The following FOXO3 variants were observed in gnomAD, a reference collection of about 807,000 sequenced individuals.
FOXO3 encodes forkhead box O3, also known as forkhead box protein O3.
FOXO3 carries 4 observed loss-of-function variants against 41.9 expected under a neutral mutation model. That is an observed-to-expected ratio of 0.10 (90% CI 0.05 to 0.22). The LOEUF is 0.22. Among genes scored for constraint, FOXO3 ranks in the 10% least tolerant of loss-of-function variants. FOXO3 has a pLI of 1.00. For missense variants in FOXO3, 534 were observed against 906.8 expected (o/e 0.59, Z 5.28); for synonymous variants, 318 against 389.3 (o/e 0.82, Z 2.16).
chr6:108,656,588 G>T, intron 1 of FOXO3: 1 of 853,208 alleles, frequency 1.2e-6, no homozygotes, highest in South Asian at 5.3e-5. Context: ...TCTAACAGTT[G>T]TTGGGAGCTG....
At chr6:108,651,576 A>G (rs559147350) in intron 1 of FOXO3, among the ~76,000 whole-genome samples, 1 of 152,248 alleles carries the variant, frequency 6.6e-6, no homozygotes, top group Non-Finnish European at 1.5e-5. Flanking sequence ...TTGTGTTTGT[A>G]TGTGTGACGC....
chr6:108,681,137 A>G lies in FOXO3; in HGVS notation c.*1345A>G, dbSNP rs1401462337. On this transcript the variant is annotated 3_prime_UTR_variant, in exon 3 of 3. Transcript: ENST00000406360. ...TATAGGTGCTTTCTGTTTAACCTGGAAAGTGTGATTATATTCGTTACCTTC... is the reference window on the plus strand; with the variant it reads ...TATAGGTGCTTTCTGTTTAACCTGGGAAGTGTGATTATATTCGTTACCTTC... 6.6e-6 allele frequency: 1 copy of G among 152,606 alleles called. No individual in the cohort carries two copies. Among genetic ancestry groups the G allele is most frequent in the Non-Finnish European group, 1.5e-5 (1 of 68,030 alleles). The allele number at this position is 152,606 out of a possible 1,614,324, so 9.5% of individuals were successfully genotyped here.
At chr6:108,673,373 G>A (rs1299114915) in intron 2 of FOXO3, among the ~76,000 whole-genome samples, 1 of 152,212 alleles carries the variant, frequency 6.6e-6, no homozygotes, top group Non-Finnish European at 1.5e-5. Flanking sequence ...TGCACACCTG[G>A]CCAGGGCACT....
intron 1 of FOXO3, among the ~76,000 whole-genome samples, chr6:108,645,784 C>T (rs529626955): frequency 1.3e-5 from 2 of 152,210 alleles, no homozygotes; most frequent in African/African-American, 2.4e-5. Context: ...ATTATCTTAA[C>T]ATGAACAGAA....
At chr6:108,605,106 A>G (rs543857549) in intron 1 of FOXO3, among the ~76,000 whole-genome samples, 1 of 151,918 alleles carries the variant, frequency 6.6e-6, no homozygotes, top group East Asian at 1.9e-4. Flanking sequence ...GTATCCTTAT[A>G]TCTAATACTA....
In FOXO3 at chr6:108,585,022, CTTTTTTTTTT is replaced by C. The variant is rs1159028928; in HGVS notation, c.621+23214_621+23223del. Among the ~76,000 whole-genome samples, 106 of 51,520 alleles carry C rather than the reference CTTTTTTTTTT, an allele frequency of 2.1e-3. 1 individual carries two copies. Among genetic ancestry groups the C allele is most frequent in the Non-Finnish European group, 2.4e-3 (73 of 30,578 alleles). The allele number at this position is 51,520 out of a possible 152,430, so 33.8% of individuals were successfully genotyped here. On this transcript the variant is annotated intron_variant, in intron 1 of 2. Transcript: ENST00000406360. The stretch of plus-strand genomic sequence containing the variant: ...CACCAAGAATTGCTATCTCCAAAAT[CTTTTTTTTTT>C]TTTTTTTTTTTTTTTTTTTTGAGAC...
intron 1 of FOXO3, among the ~76,000 whole-genome samples, chr6:108,653,250 C>G (rs11153120): frequency 2.6e-5 from 4 of 152,096 alleles, no homozygotes; most frequent in Admixed American, 1.3e-4. Flanking sequence ...GCTCCTGCCC[C>G]CTTCCCATTA....
intron 1 of FOXO3, among the ~76,000 whole-genome samples, chr6:108,652,469 T>G (rs1778571867): frequency 6.6e-6 from 1 of 152,254 alleles, no homozygotes; most frequent in African/African-American, 2.4e-5. Flanking sequence ...TCTTTAAAGC[T>G]TCTTATTCCT....
intron 1 of FOXO3, among the ~76,000 whole-genome samples, chr6:108,562,403 T>C (rs1775831576): frequency 6.6e-6 from 1 of 152,112 alleles, no homozygotes; most frequent in African/African-American, 2.4e-5. Flanking sequence ...TTGCAAACCT[T>C]TTCCTGGACG....
chr6:108,641,055 G>A (rs1329466244), intron 1 of FOXO3, among the ~76,000 whole-genome samples: 1 of 152,000 alleles, frequency 6.6e-6, no homozygotes, highest in Non-Finnish European at 1.5e-5. Flanking sequence ...GGTTACAGGT[G>A]CACCCCACTA....
chr6:108,684,126 C>T lies in FOXO3; in HGVS notation c.*4334C>T, dbSNP rs1446565328. ...TTGCCACACTCCAGAAATACGTGTG[C>T]GGCTGCTTTTAAGAACTATGTGTCT... On this transcript the variant is annotated 3_prime_UTR_variant, in exon 3 of 3. Coordinates refer to ENST00000406360, the MANE Select transcript of FOXO3 (RefSeq NM_001455.4). 45 of 152,346 alleles carry T rather than the reference C, an allele frequency of 3.0e-4. No individual in the cohort carries two copies. Among genetic ancestry groups the T allele is most frequent in the African/African-American group, 9.2e-4 (38 of 41,288 alleles). 9.4% of individuals were successfully genotyped at this position (152,346 alleles called of 1,614,324 possible).
At chr6:108,659,573 G>T (rs944851612) in intron 1 of FOXO3, among the ~76,000 whole-genome samples, 1 of 152,094 alleles carries the variant, frequency 6.6e-6, no homozygotes, top group Non-Finnish European at 1.5e-5. Flanking sequence ...TTTATTATGA[G>T]GATTAGAGAC....
chr6:108,591,604 G>A (rs1776734321), intron 1 of FOXO3, among the ~76,000 whole-genome samples: 1 of 152,184 alleles, frequency 6.6e-6, no homozygotes, highest in Admixed American at 6.5e-5. Context: ...AATTTGCTTG[G>A]ATACAGTTTC....
At chr6:108,665,200 G>A (rs984907223) in intron 2 of FOXO3, among the ~76,000 whole-genome samples, 3 of 152,156 alleles carry the variant, frequency 2.0e-5, no homozygotes, top group African/African-American at 4.8e-5. Flanking sequence ...GGCCTGTGAC[G>A]CAGGTTGCCC....
intron 1 of FOXO3, among the ~76,000 whole-genome samples, chr6:108,616,490 G>T (rs911935277): frequency 6.6e-6 from 1 of 152,022 alleles, no homozygotes; most frequent in East Asian, 1.9e-4. Context: ...TAGAAATGGG[G>T]TTTCGCTGTG....
rs1182534165 is a variant in FOXO3 at position 108,682,958 on chromosome 6, ATACCTGT to A, written c.*3171_*3177del. On this transcript the variant is annotated 3_prime_UTR_variant, in exon 3 of 3. Coordinates refer to ENST00000406360, the MANE Select transcript of FOXO3 (RefSeq NM_001455.4). ...GTTCTCTCCAGGGCTCCAGAACCTGATACCTGTTACCAAAGCTAGGAAAGAGCTTTAT... is the reference window on the plus strand; with the variant it reads ...GTTCTCTCCAGGGCTCCAGAACCTGATACCAAAGCTAGGAAAGAGCTTTAT... The A allele has an allele frequency of 6.6e-6, 1 of 152,502 alleles. No homozygotes were observed. Among genetic ancestry groups the A allele is most frequent in the African/African-American group, 2.4e-5 (1 of 41,332 alleles). The allele number at this position is 152,502 out of a possible 1,614,324, so 9.4% of individuals were successfully genotyped here.
chr6:108,671,750 TGG>T (rs775373861), intron 2 of FOXO3, among the ~76,000 whole-genome samples: 3 of 152,184 alleles, frequency 2.0e-5, no homozygotes, highest in Non-Finnish European at 4.4e-5. Context: ...TAGATTCCCC[TGG>T]GTTTTTCATT....
intron 1 of FOXO3, among the ~76,000 whole-genome samples, chr6:108,648,633 A>G (rs146904422): frequency 6.6e-6 from 1 of 152,244 alleles, no homozygotes; most frequent in East Asian, 1.9e-4. Flanking sequence ...AGAGATGATC[A>G]TTGCCCAATT....
chr6:108,566,731 C>T (rs911267477), intron 1 of FOXO3, among the ~76,000 whole-genome samples: 1 of 152,124 alleles, frequency 6.6e-6, no homozygotes, highest in Non-Finnish European at 1.5e-5. Flanking sequence ...AGACTTGACC[C>T]TATTCTCAAC....
Sources: gnomAD v4.1 joint callset for allele counts (sites outside exome capture counted in the v4.1 genomes callset) on GRCh38, gnomAD v4.1.1 for gene constraint, MANE v1.5 for transcripts, NCBI Gene and HGNC (gene_info 2026-07-23, HGNC 2026-07-21) for gene names.